The following SYT2 variants were observed in gnomAD, a reference collection of about 807,000 sequenced individuals.
The protein encoded by SYT2 is synaptotagmin 2.
In SYT2, 15 loss-of-function variants were observed where a neutral mutation model predicts 39.9. The ratio of observed to expected loss-of-function variants is 0.38; its 90% CI spans 0.25 to 0.58. The LOEUF (loss-of-function observed/expected upper bound fraction) is 0.58. Among genes scored for constraint, SYT2 ranks in the 20% least tolerant of loss-of-function variants. The probability of loss-of-function intolerance (pLI) is 0.70; values close to 1 mark genes in which losing one functional copy is unlikely to be tolerated. For synonymous variants in SYT2, 181 were observed against 204.5 expected (o/e 0.89, Z 0.98); for missense variants, 389 against 530.3 (o/e 0.73, Z 2.62).
chr1:202,604,311 C>T, intron 3 of SYT2, 144 bp downstream of exon 3: 1 of 778,900 alleles, frequency 1.3e-6, no homozygotes. Context: ...CGGTGTTATA[C>T]TAGAGATGTA....
chr1:202,639,597 C>A (rs1691844016), intron 1 of SYT2: 2 of 985,354 alleles, frequency 2.0e-6, no homozygotes, highest in Non-Finnish European at 2.4e-6. Context: ...CATCTCACAG[C>A]CTTTCCTCAT....
rs1384617415 is a variant in SYT2, at chr1:202,629,247, T to G, written c.-17-23458A>C. ...GCTCCAGCCCAGATGGCCTTCTTGATGCCCACCTCTGGGCCAAGGCCTCTC... is the reference window on the plus strand; with the variant it reads ...GCTCCAGCCCAGATGGCCTTCTTGAGGCCCACCTCTGGGCCAAGGCCTCTC... On this transcript the variant is annotated intron_variant, in intron 1 of 8. Transcript: ENST00000367268. Among the ~76,000 whole-genome samples, 4 of 152,330 alleles carry G rather than the reference T, an allele frequency of 2.6e-5. No homozygotes were observed. In the South Asian group the frequency reaches 8.3e-4, roughly 32 times the overall value.
In SYT2 at chr1:202,601,674, A is replaced by T. The variant is rs1451758720; in HGVS notation, c.801+216T>A. Among the ~76,000 whole-genome samples the T allele has an allele frequency of 6.6e-6, 1 of 152,200 alleles. No individual in the cohort carries two copies. The highest frequency in any genetic ancestry group is 1.5e-5 in the Non-Finnish European group (1 of 68,040). Reference sequence around the variant, plus strand: ...CTGCGCTAGGCGCTTTATGCAGGTAATGAATCCTCATCTGTAAAAAAAGAC... The same window carrying T: ...CTGCGCTAGGCGCTTTATGCAGGTATTGAATCCTCATCTGTAAAAAAAGAC... On this transcript the variant is annotated intron_variant, in intron 6 of 8. Coordinates refer to ENST00000367268, the MANE Select transcript of SYT2 (RefSeq NM_177402.5). The surrounding 1 kb of genome is among the most constrained non-coding windows in gnomAD (Gnocchi z 4.0).
At chr1:202,683,601 C>T (rs546065207) in intron 1 of SYT2, among the ~76,000 whole-genome samples, 9 of 152,080 alleles carry the variant, frequency 5.9e-5, no homozygotes, top group African/African-American at 1.4e-4. Context: ...AATAGCTGAA[C>T]GTGGTGGTGC....
At chr1:202,699,580 A>T (rs969523643) in intron 1 of SYT2, among the ~76,000 whole-genome samples, 2 of 152,228 alleles carry the variant, frequency 1.3e-5, no homozygotes, top group African/African-American at 4.8e-5. Context: ...TAGGGGTAAT[A>T]GATCATGTAC....
At chr1:202,690,188 C>T (rs1653783522) in intron 1 of SYT2, among the ~76,000 whole-genome samples, 1 of 152,132 alleles carries the variant, frequency 6.6e-6, no homozygotes, top group South Asian at 2.1e-4. Context: ...TGAGCGCCCA[C>T]CTCTGAAAAG....
intron 1 of SYT2, among the ~76,000 whole-genome samples, chr1:202,630,103 A>C (rs1033425650): frequency 3.9e-5 from 6 of 152,038 alleles, no homozygotes; most frequent in Non-Finnish European, 8.8e-5. Context: ...ATGGCAATAG[A>C]GCAGTTACAC....
intron 1 of SYT2, among the ~76,000 whole-genome samples, chr1:202,701,983 T>C (rs1558466996): frequency 6.6e-6 from 1 of 152,200 alleles, no homozygotes; most frequent in Non-Finnish European, 1.5e-5. Context: ...GCTGCTTCAG[T>C]TATGCCCTAC....
At chr1:202,691,730 G>GAGAGAGA (rs1558463413) in intron 1 of SYT2, among the ~76,000 whole-genome samples, 1 of 13,824 alleles carries the variant, frequency 7.2e-5, no homozygotes, top group African/African-American at 2.0e-4. Flanking sequence ...AGGGAGAGGG[G>GAGAGAGA]GGGAGAGAGA....
chr1:202,667,698 TTTTTA>T (rs1051843665), intron 1 of SYT2, among the ~76,000 whole-genome samples: 91 of 152,036 alleles, frequency 6.0e-4, no homozygotes, highest in African/African-American at 1.7e-3. Context: ...TTTTCTTTTA[TTTTTA>T]TTTTATTTTA....
At chr1:202,696,549 G>A (rs763100655) in intron 1 of SYT2, among the ~76,000 whole-genome samples, 2 of 152,182 alleles carry the variant, frequency 1.3e-5, no homozygotes, top group African/African-American at 2.4e-5. Context: ...GCCTGTAAGA[G>A]GCATGAGGGC....
At chr1:202,637,731 T>C (rs1691778991) in intron 1 of SYT2, among the ~76,000 whole-genome samples, 2 of 152,234 alleles carry the variant, frequency 1.3e-5, no homozygotes, top group South Asian at 4.1e-4. Context: ...AGGGCCTTCC[T>C]TCCCCCTTTC....
intron 1 of SYT2, among the ~76,000 whole-genome samples, chr1:202,683,706 C>T (rs1452894868): frequency 6.8e-6 from 1 of 147,572 alleles, no homozygotes; most frequent in African/African-American, 2.5e-5. Flanking sequence ...GGTGCCACTG[C>T]ACTCCAGCAT....
At chr1:202,666,746 C>T (rs544647368) in intron 1 of SYT2, among the ~76,000 whole-genome samples, 64 of 152,298 alleles carry the variant, frequency 4.2e-4, no homozygotes, top group Admixed American at 1.2e-3. Context: ...CTTTGGGAGG[C>T]CAAGATGGGC....
chr1:202,700,229 C>A (rs1654078391), intron 1 of SYT2, among the ~76,000 whole-genome samples: 1 of 152,158 alleles, frequency 6.6e-6, no homozygotes, highest in Non-Finnish European at 1.5e-5. Flanking sequence ...CCGTGCAGCT[C>A]TGGACTTTTC....
At chr1:202,662,483 C>T (rs192212281) in intron 1 of SYT2, among the ~76,000 whole-genome samples, 129 of 152,374 alleles carry the variant, frequency 8.5e-4, no homozygotes, top group African/African-American at 2.9e-3. Context: ...CCATAGTCTA[C>T]CTGGACTATG....
At chr1:202,662,725 C>T (rs945266620) in intron 1 of SYT2, among the ~76,000 whole-genome samples, 3 of 152,212 alleles carry the variant, frequency 2.0e-5, no homozygotes, top group Non-Finnish European at 4.4e-5. Flanking sequence ...CTGGTCCCAT[C>T]GTTAGCTAAG....
chr1:202,672,150 T>C (rs1465045241), intron 1 of SYT2, among the ~76,000 whole-genome samples: 1 of 152,226 alleles, frequency 6.6e-6, no homozygotes, highest in Non-Finnish European at 1.5e-5. Context: ...CCAGAAACTG[T>C]AAAACGTGCC....
At chr1:202,700,336 C>T (rs182981854) in intron 1 of SYT2, among the ~76,000 whole-genome samples, 376 of 152,310 alleles carry the variant, frequency 2.5e-3, no homozygotes, top group Non-Finnish European at 4.6e-3. Context: ...CACGAAGCCC[C>T]GCACTCTAGG....
Sources: gnomAD v4.1 joint callset for allele counts (sites outside exome capture counted in the v4.1 genomes callset) on GRCh38, gnomAD v4.1.1 for gene constraint, Gnocchi (gnomAD v3.1) non-coding constraint, MANE v1.5 for transcripts, NCBI Gene and HGNC (gene_info 2026-07-23, HGNC 2026-07-21) for gene names.